TNRC6B: variants seen among roughly 807,000 people sequenced by gnomAD.
The protein encoded by TNRC6B is trinucleotide repeat-containing gene 6B protein.
Under a neutral mutation model 203.6 loss-of-function variants are expected in TNRC6B, and 52 were observed. That is an observed-to-expected ratio of 0.26 (90% CI 0.20 to 0.32). The LOEUF is 0.32. TNRC6B is among the 10% of genes least tolerant of loss of function. TNRC6B has a pLI of 1.00. For synonymous variants in TNRC6B, 838 were observed against 845.7 expected (o/e 0.99, Z 0.16); for missense variants, 1,923 against 2,286.2 (o/e 0.84, Z 3.24).
intron 1 of TNRC6B, among the ~76,000 whole-genome samples, chr22:40,094,635 C>A (rs531334992): frequency 3.7e-4 from 57 of 152,262 alleles, no homozygotes; most frequent in African/African-American, 1.4e-3. Context: ...TGAACTACAA[C>A]CAAACTGCCC....
At chr22:40,297,910 C>T (rs1053652868) in intron 12 of TNRC6B, among the ~76,000 whole-genome samples, 1 of 151,950 alleles carries the variant, frequency 6.6e-6, no homozygotes, top group Admixed American at 6.6e-5. Context: ...ATCACAAGGT[C>T]AGGAGATTGA....
intron 16 of TNRC6B, 68 bp downstream of exon 16, chr22:40,308,717 T>C: frequency 6.6e-7 from 1 of 1,509,626 alleles, no homozygotes. Flanking sequence ...CTTATAAGAC[T>C]ATTTTGAAGT....
upstream of TNRC6B, among the ~76,000 whole-genome samples, chr22:40,176,185 C>T (rs527617685): frequency 1.4e-4 from 21 of 147,496 alleles, no homozygotes; most frequent in South Asian, 3.8e-3. Flanking sequence ...AGTGCAATGG[C>T]GCGATCTCGG....
chr22:40,203,560 T>G (rs1320883847), intron 1 of TNRC6B, among the ~76,000 whole-genome samples: 2 of 152,246 alleles, frequency 1.3e-5, no homozygotes, highest in Admixed American at 1.3e-4. Flanking sequence ...AAAAACTCTT[T>G]GATTACTTTG....
At chr22:40,293,197 T>TC (rs1293006928) in intron 12 of TNRC6B, among the ~76,000 whole-genome samples, 34 of 139,400 alleles carry the variant, frequency 2.4e-4, no homozygotes, top group African/African-American at 8.8e-4. Flanking sequence ...TTTCTTTTTT[T>TC]TTTTTTTTTT....
intron 1 of TNRC6B, among the ~76,000 whole-genome samples, chr22:40,076,702 A>G (rs2068017138): frequency 6.6e-6 from 1 of 152,194 alleles, no homozygotes. Flanking sequence ...CTCAAAAGCA[A>G]TTTTTATTAA....
At chr22:40,056,707 A>G (rs980560671) in intron 1 of TNRC6B, among the ~76,000 whole-genome samples, 2 of 150,770 alleles carry the variant, frequency 1.3e-5, no homozygotes, top group Admixed American at 1.3e-4. Context: ...CTGAGGCAGG[A>G]GGATTGCATG....
At chr22:40,081,041 G>GT (rs2068059884) in intron 1 of TNRC6B, among the ~76,000 whole-genome samples, 1 of 151,584 alleles carries the variant, frequency 6.6e-6, no homozygotes. Flanking sequence ...TTTTTAGTGT[G>GT]TGGGGGGGTG....
At position 40,300,955 on chromosome 22, in the gene TNRC6B, C is replaced by T. The variant is rs1363778324; in HGVS notation, c.3886C>T (p.Gln1296Ter). Residue 1296 changes from glutamine (Q) to a stop codon, truncating the protein, a stop_gained, in exon 14 of 23, where the codon CAG becomes TAG. Coordinates refer to ENST00000454349, the MANE Select transcript of TNRC6B (RefSeq NM_001162501.2). LOFTEE classifies it high-confidence loss of function. ...LQQQQQQQLL[Q>*]NQRKISQAVR... ...GCAGCAGCAACAGCAGCAGTTGTTA[C>T]AGAACCAGAGAAAGATTTCTCAAGC... 1 of 1,613,662 alleles carries T rather than the reference C, an allele frequency of 6.2e-7. No individual in the cohort carries two copies. Among genetic ancestry groups the T allele is most frequent in the Non-Finnish European group, 8.5e-7 (1 of 1,179,832 alleles).
At chr22:40,272,750 T>C (rs1173417462) in intron 6 of TNRC6B, among the ~76,000 whole-genome samples, 3 of 152,220 alleles carry the variant, frequency 2.0e-5, no homozygotes, top group Non-Finnish European at 2.9e-5. Flanking sequence ...CCTTTCTCCT[T>C]TCCTCACATT....
intron 1 of TNRC6B, among the ~76,000 whole-genome samples, chr22:40,060,895 C>T (rs566765463): frequency 6.6e-6 from 1 of 152,114 alleles, no homozygotes; most frequent in Non-Finnish European, 1.5e-5. Flanking sequence ...ATTTCAGGCT[C>T]CCAGTAGGAA....
Position 40,312,951 on chromosome 22 carries a change from C to G in TNRC6B, c.4632C>G (p.Pro1544=). Residue 1544 remains proline (P), a synonymous_variant, in exon 19 of 23, where the codon CCC becomes CCG. Transcript: ENST00000454349. ...CGCTGCCTTCACCTGGTGCCTGGCC[C>G]TACAGTGCCTCTGACAACTCCTTTA... The part of the protein sequence containing the change: ...NTSLPSPGAW[P]YSASDNSFTN... 6.2e-7 allele frequency: 1 copy of G among 1,613,870 alleles called. No individual in the cohort carries two copies. The highest frequency in any genetic ancestry group is 8.5e-7 in the Non-Finnish European group (1 of 1,179,846).
chr22:40,309,868 C>T (rs1045226658), intron 16 of TNRC6B, among the ~76,000 whole-genome samples: 1 of 152,120 alleles, frequency 6.6e-6, no homozygotes, highest in Non-Finnish European at 1.5e-5. Flanking sequence ...AAGTAAATGC[C>T]CTCTTAGCCT....
intron 2 of TNRC6B, among the ~76,000 whole-genome samples, chr22:40,248,820 C>T (rs2070144523): frequency 6.6e-6 from 1 of 152,204 alleles, no homozygotes; most frequent in Admixed American, 6.5e-5. Context: ...ATCAGCTTGA[C>T]ATAGAATCTA....
At chr22:40,320,791 CTG>C (rs1397363848) in intron 21 of TNRC6B, among the ~76,000 whole-genome samples, 1 of 152,180 alleles carries the variant, frequency 6.6e-6, no homozygotes, top group Non-Finnish European at 1.5e-5. Context: ...CTTTTCTTGT[CTG>C]TGTCTTTCTC....
At chr22:40,227,237 ATTTTTAGTATAGAT>A (rs2069801419) in intron 1 of TNRC6B, among the ~76,000 whole-genome samples, 2 of 146,522 alleles carry the variant, frequency 1.4e-5, no homozygotes, top group South Asian at 2.2e-4. Flanking sequence ...AATTTTTTGT[ATTTTTAGTATAGAT>A]CAGGTTTTGC....
At chr22:40,154,884 TATATATATATAC>T (rs1428614970) in intron 3 of TNRC6B, among the ~76,000 whole-genome samples, 2,106 of 52,606 alleles carry the variant, frequency 0.04, 94 homozygotes, top group African/African-American at 0.085. Flanking sequence ...TATATATATA[TATATATATATAC>T]ATATATATAT....
At position 40,218,355 on chromosome 22, in the gene TNRC6B, G is replaced by C. The variant is rs765490589; in HGVS notation, c.6-27660G>C. 2.2e-3 allele frequency among the ~76,000 whole-genome samples: 262 copies of C among 121,330 alleles called. 2 individuals are homozygous for C. The highest frequency in any genetic ancestry group is 3.6e-3 in the Non-Finnish European group (222 of 61,242). 79.6% of individuals were successfully genotyped at this position (121,330 alleles called of 152,430 possible). A position where few individuals can be genotyped will look rare whatever the true frequency, so the allele number is the denominator to read the frequency against. On this transcript the variant is annotated intron_variant, in intron 1 of 22. Transcript: ENST00000454349. Reference sequence around the variant, plus strand: ...TTTTTTTTTTTTTTTGAGACAGGGTGTTACTCTGTCACTCAGGCTGGAGTG... The same window carrying C: ...TTTTTTTTTTTTTTTGAGACAGGGTCTTACTCTGTCACTCAGGCTGGAGTG...
intron 9 of TNRC6B, among the ~76,000 whole-genome samples, chr22:40,279,293 TG>T (rs2070693463): frequency 6.6e-6 from 1 of 152,314 alleles, no homozygotes; most frequent in Admixed American, 6.5e-5. Flanking sequence ...AAAATAATTC[TG>T]GGTAGTAAAG....
Sources: gnomAD v4.1 joint callset for allele counts (sites outside exome capture counted in the v4.1 genomes callset) on GRCh38, gnomAD v4.1.1 for gene constraint, MANE v1.5 for transcripts, NCBI Gene and HGNC (gene_info 2026-07-23, HGNC 2026-07-21) for gene names.